Variants in TRPV4 observed in about 807,000 individuals in gnomAD.
The protein encoded by TRPV4 is transient receptor potential cation channel subfamily V member 4.
A neutral mutation model predicts 84.1 loss-of-function variants in TRPV4; 58 were observed. The observed-to-expected ratio is 0.69, with a 90% CI of 0.56 to 0.86. The LOEUF (loss-of-function observed/expected upper bound fraction) is 0.86. Among genes scored for constraint, TRPV4 ranks in the 40% least tolerant of loss-of-function variants. The probability of loss-of-function intolerance (pLI) is 0.00; values close to 1 mark genes in which losing one functional copy is unlikely to be tolerated. For missense variants in TRPV4, 879 were observed against 1,181.1 expected (o/e 0.74, Z 3.75); for synonymous variants, 489 against 500.9 (o/e 0.98, Z 0.32).
At chr12:109,791,208 C>A (rs1323040248) in intron 12 of TRPV4, among the ~76,000 whole-genome samples, 1 of 152,126 alleles carries the variant, frequency 6.6e-6, no homozygotes, top group East Asian at 1.9e-4. Context: ...CATAGTGAAA[C>A]CCCATCTCTA....
rs142245206 is a variant in TRPV4 at position 109,783,725 on chromosome 12, G to A, written c.2512C>T (p.Pro838Ser). The A allele has an allele frequency of 6.2e-7, 1 of 1,613,800 alleles. No homozygotes were observed. Among genetic ancestry groups the A allele is most frequent in the Non-Finnish European group, 8.5e-7 (1 of 1,180,010 alleles). Residue 838 changes from proline (P) to serine (S), a missense_variant, in exon 16 of 16, where the codon CCG becomes TCG. Physicochemically the swap from Pro to Ser is moderately conservative, Grantham distance 74. Transcript: ENST00000261740. This position sits in a 1 kb window ranked among gnomAD's most constrained non-coding sequence, Gnocchi z 4.6. ...TCCAGAGGCACCACCACCTCGTCCG[G>A]GTTCGAGTTCTTGTTCAGTTCCACC... is the stretch of plus-strand genomic sequence containing the variant. The part of the protein sequence containing the change: ...RVVELNKNSN[P>S]DEVVVPLDSM...
chr12:109,799,087 C>A (rs975808885), intron 5 of TRPV4, among the ~76,000 whole-genome samples, 175 bp from the exon 6 acceptor site: 1 of 151,578 alleles, frequency 6.6e-6, no homozygotes, highest in Non-Finnish European at 1.5e-5. Flanking sequence ...TGGGGTGTGG[C>A]TAGTTAAGGG....
At chr12:109,820,514 C>T (rs201623935) in intron 1 of TRPV4, among the ~76,000 whole-genome samples, 3,235 of 122,838 alleles carry the variant, frequency 0.026, 105 homozygotes, top group Middle Eastern at 0.05. Flanking sequence ...TTCAGCTGCC[C>T]TATTTTTTTT....
intron 3 of TRPV4, among the ~76,000 whole-genome samples, chr12:109,803,421 T>G (rs956338120): frequency 6.6e-6 from 1 of 152,144 alleles, no homozygotes; most frequent in African/African-American, 2.4e-5. Context: ...TAATCTTATT[T>G]GGGAAGATTT....
chr12:109,808,477 G>A lies in TRPV4; in HGVS notation c.387-9C>T, dbSNP rs552614584. ...GGCTCTGCGGCTGCTTCCTGGAGGA[G>A]GTAGGGAGGCAAGTTGATGGGAGGG... On this transcript the variant is annotated splice_polypyrimidine_tract_variant and intron_variant, in intron 2 of 15. Transcript: ENST00000261740. The A allele has an allele frequency of 4.2e-5, 67 of 1,608,898 alleles. No homozygotes were observed. The highest frequency in any genetic ancestry group is 5.3e-5 in the Non-Finnish European group (62 of 1,176,514).
chr12:109,814,875 G>A lies in TRPV4; in HGVS notation c.-31-48C>T, dbSNP rs527985142. On this transcript the variant is annotated intron_variant, in intron 1 of 15. Coordinates refer to ENST00000261740, the MANE Select transcript of TRPV4 (RefSeq NM_021625.5). This position sits in a 1 kb window ranked among gnomAD's most constrained non-coding sequence, Gnocchi z 5.4. ...TCAGGCAGAACCCGGCCAGGGGCGG[G>A]GGCTCCAGGAAGCCCCCTCCCACGT... The A allele has an allele frequency of 3.9e-4, 589 of 1,517,322 alleles. No homozygotes were observed. The highest frequency in any genetic ancestry group is 5.1e-4 in the Non-Finnish European group (573 of 1,134,436). 94.0% of individuals were successfully genotyped at this position (1,517,322 alleles called of 1,614,324 possible). A position where few individuals can be genotyped will look rare whatever the true frequency, so the allele number is the denominator to read the frequency against.
intron 1 of TRPV4, among the ~76,000 whole-genome samples, chr12:109,830,820 A>C (rs1428665253): frequency 6.6e-6 from 1 of 152,144 alleles, no homozygotes; most frequent in Non-Finnish European, 1.5e-5. Flanking sequence ...TGACCATCTC[A>C]AAAGTATTTG....
chr12:109,799,901 C>A (rs1313437336), intron 5 of TRPV4, among the ~76,000 whole-genome samples: 1 of 151,670 alleles, frequency 6.6e-6, no homozygotes, highest in Admixed American at 6.6e-5. Context: ...GCTGGGACTT[C>A]AAGCACATGC....
intron 2 of TRPV4, among the ~76,000 whole-genome samples, chr12:109,809,448 T>TCATC (rs140113824): frequency 2.8e-3 from 357 of 129,746 alleles, no homozygotes; most frequent in Middle Eastern, 5.5e-3. Flanking sequence ...ATCCACCCAC[T>TCATC]CATCCATCCA....
chr12:109,790,775 A>T (rs757757747), intron 12 of TRPV4, among the ~76,000 whole-genome samples: 7 of 152,128 alleles, frequency 4.6e-5, no homozygotes, highest in Non-Finnish European at 7.4e-5. Context: ...CCTTGAATCG[A>T]GGCTGGCCTT....
At chr12:109,792,325 C>G (rs1433183182) in intron 12 of TRPV4, 38 bp downstream of exon 12, 2 of 1,593,464 alleles carry the variant, frequency 1.3e-6, no homozygotes, top group Non-Finnish European at 1.7e-6. Context: ...CGTCCTTGCA[C>G]CACCCCTGCC....
At chr12:109,800,799 G>A in intron 4 of TRPV4, 41 bp from the exon 5 acceptor site, 1 of 1,566,054 alleles carries the variant, frequency 6.4e-7, no homozygotes, top group Non-Finnish European at 8.7e-7. Context: ...TGGCGGAGCA[G>A]AGACCTAGCC....
chr12:109,830,739 C>A (rs1214829864), intron 1 of TRPV4, among the ~76,000 whole-genome samples: 1 of 152,158 alleles, frequency 6.6e-6, no homozygotes, highest in Non-Finnish European at 1.5e-5. Context: ...CAAGGGCCTG[C>A]ATGGAGTAGA....
chr12:109,794,587 G>A (rs572620502), intron 7 of TRPV4, 100 bp from the exon 8 acceptor site: 2 of 1,281,448 alleles, frequency 1.6e-6, no homozygotes, highest in South Asian at 2.4e-5. Context: ...CACCCGGACA[G>A]CGCTTTCTCT....
intron 3 of TRPV4, among the ~76,000 whole-genome samples, chr12:109,807,048 G>A (rs947867895): frequency 2.0e-5 from 3 of 152,006 alleles, no homozygotes; most frequent in Admixed American, 6.6e-5. Flanking sequence ...AGGCCAAGGC[G>A]GGCAGATCAC....
intron 5 of TRPV4, among the ~76,000 whole-genome samples, chr12:109,799,429 G>A (rs945428408): frequency 6.6e-5 from 10 of 151,984 alleles, no homozygotes; most frequent in Admixed American, 2.0e-4. Flanking sequence ...GATTACAGGC[G>A]TGAGCCACCG....
intron 1 of TRPV4, among the ~76,000 whole-genome samples, chr12:109,820,209 G>C (rs1053410161): frequency 2.6e-5 from 4 of 152,136 alleles, no homozygotes; most frequent in African/African-American, 9.7e-5. Context: ...AGTCATGTCG[G>C]ATGGTGTTAA....
intron 1 of TRPV4, among the ~76,000 whole-genome samples, chr12:109,821,770 G>A (rs1378484671): frequency 2.6e-5 from 4 of 152,236 alleles, no homozygotes; most frequent in Non-Finnish European, 5.9e-5. Flanking sequence ...GACCTCAGAT[G>A]ATCCACCTGC....
At position 109,814,424 on chromosome 12, in the gene TRPV4, T is replaced by G; in HGVS notation, c.373A>C (p.Lys125Gln). 1 of 1,614,078 alleles carries G rather than the reference T, an allele frequency of 6.2e-7. No individual in the cohort carries two copies. The highest frequency in any genetic ancestry group is 1.1e-5 in the South Asian group (1 of 91,064). The change falls in exon 2 of 16, where the codon AAG becomes CAG. Residue 125 changes from lysine to glutamine, a missense_variant. Physicochemically the swap from Lys to Gln is moderately conservative, Grantham distance 53. Coordinates refer to ENST00000261740, the MANE Select transcript of TRPV4 (RefSeq NM_021625.5). This position sits in a 1 kb window ranked among gnomAD's most constrained non-coding sequence, Gnocchi z 5.4. ...HHSSDNKRWR[K>Q]KIIEKQPQSP... is the part of the protein sequence containing the mutation. ...AACAATACTCACTCTATGATCTTCTTCCTCCACCTCTTGTTGTCACTGGAG... is the reference window on the plus strand; with the variant it reads ...AACAATACTCACTCTATGATCTTCTGCCTCCACCTCTTGTTGTCACTGGAG...
Sources: allele counts gnomAD v4.1 joint callset (sites outside exome capture counted in the v4.1 genomes callset), GRCh38; gene constraint gnomAD v4.1.1; non-coding constraint Gnocchi (gnomAD v3.1); transcripts MANE v1.5; gene names NCBI Gene and HGNC (gene_info 2026-07-23, HGNC 2026-07-21).